Variants in CA10 observed in about 807,000 individuals in gnomAD.
The protein encoded by CA10 is carbonic anhydrase-related protein 10.
A neutral mutation model predicts 44.2 loss-of-function variants in CA10; 14 were observed. The observed-to-expected ratio is 0.32, with a 90% CI of 0.21 to 0.50. The LOEUF (loss-of-function observed/expected upper bound fraction) is 0.50, where lower values mean the gene tolerates loss of function less well. CA10 is among the 20% of genes least tolerant of loss of function. The probability of loss-of-function intolerance (pLI) is 0.99; values close to 1 mark genes in which losing one functional copy is unlikely to be tolerated. For synonymous variants in CA10, 159 were observed against 141.6 expected, an observed-to-expected ratio of 1.12 and a Z score of -0.87; for missense variants, 350 against 409.7, an observed-to-expected ratio of 0.85 and a Z score of 1.26.
intron 6 of CA10, among the ~76,000 whole-genome samples, chr17:51,641,236 A>T (rs1479396218): frequency 1.3e-5 from 2 of 151,924 alleles, no homozygotes; most frequent in Non-Finnish European, 2.9e-5. Flanking sequence ...TAAAGGGCAA[A>T]TCCTAGATGT....
intron 3 of CA10, among the ~76,000 whole-genome samples, chr17:51,807,168 G>A (rs1907169629): frequency 1.3e-5 from 2 of 152,192 alleles, no homozygotes; most frequent in Non-Finnish European, 2.9e-5. Context: ...TTTCCCTGTA[G>A]AAAGCAATGG....
intron 1 of CA10, among the ~76,000 whole-genome samples, chr17:52,123,883 T>C (rs1326498243): frequency 6.6e-6 from 1 of 152,216 alleles, no homozygotes; most frequent in Non-Finnish European, 1.5e-5. Flanking sequence ...TTAAGATAGA[T>C]ATGGGCATCC....
At chr17:52,032,948 G>C (rs942398904) in intron 2 of CA10, among the ~76,000 whole-genome samples, 3 of 152,136 alleles carry the variant, frequency 2.0e-5, no homozygotes, top group African/African-American at 7.2e-5. Context: ...GGATCTAAAT[G>C]TCTTGAAACA....
At chr17:51,834,837 C>T (rs1037663167) in intron 3 of CA10, among the ~76,000 whole-genome samples, 1 of 152,140 alleles carries the variant, frequency 6.6e-6, no homozygotes, top group East Asian at 1.9e-4. Flanking sequence ...TTAGTGGGGA[C>T]TAGAGGTAAT....
chr17:51,662,751 T>C (rs1255755884), intron 4 of CA10, among the ~76,000 whole-genome samples: 1 of 152,212 alleles, frequency 6.6e-6, no homozygotes. Flanking sequence ...GGAATGCAAT[T>C]ATGGCTAAAA....
chr17:51,719,978 T>G (rs746908321), intron 4 of CA10, among the ~76,000 whole-genome samples: 6 of 152,168 alleles, frequency 3.9e-5, no homozygotes, highest in Non-Finnish European at 5.9e-5. Context: ...GGTGCTCAAC[T>G]CTAGAACATA....
At chr17:51,753,796 G>A (rs972692221) in intron 3 of CA10, among the ~76,000 whole-genome samples, 4 of 152,134 alleles carry the variant, frequency 2.6e-5, no homozygotes, top group Non-Finnish European at 5.9e-5. Context: ...GCTATCTTTG[G>A]CTCTAAAGCC....
intron 1 of CA10, among the ~76,000 whole-genome samples, chr17:52,125,530 G>A (rs996601433): frequency 1.3e-5 from 2 of 152,134 alleles, no homozygotes; most frequent in South Asian, 2.1e-4. Context: ...ATCTCTAGAG[G>A]TGCCTTCCTG....
chr17:51,920,995 T>G (rs981051154), intron 3 of CA10, among the ~76,000 whole-genome samples: 15 of 152,208 alleles, frequency 9.9e-5, no homozygotes, highest in Admixed American at 3.3e-4. Context: ...AGAGAGCCTG[T>G]ATCCAAAACT....
At chr17:51,802,565 G>GAAAAA (rs754344655) in intron 3 of CA10, among the ~76,000 whole-genome samples, 73 of 90,560 alleles carry the variant, frequency 8.1e-4, no homozygotes, top group African/African-American at 2.4e-3. Context: ...CCTGATGTCT[G>GAAAAA]AAAAAAAAAA....
intron 1 of CA10, among the ~76,000 whole-genome samples, chr17:52,120,491 G>T (rs991454167): frequency 2.0e-5 from 3 of 151,298 alleles, no homozygotes; most frequent in African/African-American, 4.9e-5. Context: ...TTTAACCTAA[G>T]GGCATTTAGA....
At chr17:51,730,547 G>A (rs1330980702) in intron 4 of CA10, among the ~76,000 whole-genome samples, 1 of 152,176 alleles carries the variant, frequency 6.6e-6, no homozygotes, top group Non-Finnish European at 1.5e-5. Flanking sequence ...TAAGAAAGTA[G>A]TGGTTTTGTA....
chr17:51,859,120 T>C (rs911198461), intron 3 of CA10, among the ~76,000 whole-genome samples: 1 of 152,108 alleles, frequency 6.6e-6, no homozygotes, highest in Admixed American at 6.6e-5. Context: ...TAACATTAAA[T>C]GTTAGTTAAT....
At chr17:52,074,584 C>A (rs1346118699) in intron 1 of CA10, among the ~76,000 whole-genome samples, 1 of 137,990 alleles carries the variant, frequency 7.2e-6, no homozygotes, top group Non-Finnish European at 1.5e-5. Flanking sequence ...TGTTTCATTA[C>A]CCCAAATAAA....
At chr17:52,154,184 T>A (rs1411049481) in intron 1 of CA10, among the ~76,000 whole-genome samples, 2 of 152,202 alleles carry the variant, frequency 1.3e-5, no homozygotes, top group Non-Finnish European at 2.9e-5. Flanking sequence ...ATAAAAAATA[T>A]TAAATAAAAA....
intron 1 of CA10, among the ~76,000 whole-genome samples, chr17:52,120,436 ATCCTTATC>A (rs1988989979): frequency 1.4e-5 from 2 of 139,666 alleles, no homozygotes; most frequent in Non-Finnish European, 3.0e-5. Context: ...CCTTATCCTT[ATCCTTATC>A]CTTATCCTTA....
At chr17:51,719,641 C>A (rs1916286810) in intron 4 of CA10, among the ~76,000 whole-genome samples, 1 of 151,974 alleles carries the variant, frequency 6.6e-6, no homozygotes, top group African/African-American at 2.4e-5. Context: ...AATCCCAGCA[C>A]TTTGAGAGGC....
chr17:52,102,930 C>T (rs1988574497), intron 1 of CA10, among the ~76,000 whole-genome samples: 1 of 152,156 alleles, frequency 6.6e-6, no homozygotes, highest in South Asian at 2.1e-4. Flanking sequence ...CTACGGAAGT[C>T]ACTTACTGTT....
intron 2 of CA10, among the ~76,000 whole-genome samples, chr17:52,048,116 A>T (rs9913798): frequency 0.5 from 75,471 of 151,804 alleles, 19,600 homozygotes; most frequent in African/African-American, 0.62. Context: ...CTGAGAGCCA[A>T]ACTGGGGGAA....
Sources: allele counts gnomAD v4.1 joint callset (sites outside exome capture counted in the v4.1 genomes callset), GRCh38; gene constraint gnomAD v4.1.1; transcripts MANE v1.5; gene names NCBI Gene and HGNC (gene_info 2026-07-23, HGNC 2026-07-21).